The following DYRK1A variants were observed in gnomAD, a reference collection of about 807,000 sequenced individuals.
DYRK1A encodes dual specificity tyrosine phosphorylation regulated kinase 1A, also known as dual specificity tyrosine-phosphorylation-regulated kinase 1A.
Under a neutral mutation model 79.7 loss-of-function variants are expected in DYRK1A, and 9 were observed. That is an observed-to-expected ratio of 0.11 (90% CI 0.07 to 0.20). DYRK1A has a LOEUF of 0.20. DYRK1A is among the 10% of genes least tolerant of loss of function. The pLI, the probability that DYRK1A is intolerant of heterozygous loss-of-function variation, is 1.00. For missense variants in DYRK1A, 622 were observed against 956.0 expected (o/e 0.65, Z 4.61); for synonymous variants, 349 against 329.7 (o/e 1.06, Z -0.63).
At chr21:37,374,375 T>C (rs148111822) in intron 1 of DYRK1A, among the ~76,000 whole-genome samples, 176 of 150,276 alleles carry the variant, frequency 1.2e-3, no homozygotes, top group African/African-American at 4.2e-3. Flanking sequence ...CCTGTGGATT[T>C]GAAAAAAGAG....
At chr21:37,380,194 CT>C (rs943239073) in intron 1 of DYRK1A, among the ~76,000 whole-genome samples, 2 of 152,132 alleles carry the variant, frequency 1.3e-5, no homozygotes, top group African/African-American at 4.8e-5. Flanking sequence ...CAAATACTGT[CT>C]GTTGAAAAAT....
chr21:37,466,598 G>GA (rs2052033101), intron 2 of DYRK1A, among the ~76,000 whole-genome samples: 2 of 152,134 alleles, frequency 1.3e-5, no homozygotes, highest in African/African-American at 2.4e-5. Flanking sequence ...AATTGATGCA[G>GA]AGAAGGCTTG....
At chr21:37,479,849 G>T (rs575112077) in intron 4 of DYRK1A, among the ~76,000 whole-genome samples, 10 of 151,710 alleles carry the variant, frequency 6.6e-5, no homozygotes, top group East Asian at 3.9e-4. Flanking sequence ...GGATGGTCTC[G>T]ATCTCCTGAC....
intron 9 of DYRK1A, among the ~76,000 whole-genome samples, chr21:37,498,600 G>T (rs976775671): frequency 2.0e-5 from 3 of 152,066 alleles, no homozygotes; most frequent in African/African-American, 7.2e-5. Context: ...CCTGTCAGTG[G>T]TCATTTGGTT....
Position 37,519,748 on chromosome 21 carries a change from T to TTTTGTTTTGTTTTGTTTTGGTTTG in DYRK1A, c.*7220_*7221insGTTTTGTTTTGTTTTGGTTTGTTT. 7.9e-6 allele frequency: 1 copy of TTTTGTTTTGTTTTGTTTTGGTTTG among 126,766 alleles called. No individual in the cohort carries two copies. Among genetic ancestry groups the TTTTGTTTTGTTTTGTTTTGGTTTG allele is most frequent in the South Asian group, 2.6e-4 (1 of 3,896 alleles). 7.9% of individuals were successfully genotyped at this position (126,766 alleles called of 1,614,324 possible). A position where few individuals can be genotyped will look rare whatever the true frequency, so the allele number is the denominator to read the frequency against. Reference sequence around the variant, plus strand: ...TTTGTTGTGGGAAGTTTTTTTTTTTTTTTTTTTTTTTGAGGCGGAGTCTCG... The same window carrying TTTTGTTTTGTTTTGTTTTGGTTTG: ...TTTGTTGTGGGAAGTTTTTTTTTTTTTTTGTTTTGTTTTGTTTTGGTTTGTTTTTTTTTTTGAGGCGGAGTCTCG... On this transcript the variant is annotated 3_prime_UTR_variant, in exon 12 of 12. Coordinates refer to ENST00000647188, the MANE Select transcript of DYRK1A (RefSeq NM_001347721.2).
chr21:37,482,524 G>A (rs1466274361), intron 5 of DYRK1A, among the ~76,000 whole-genome samples: 2 of 152,228 alleles, frequency 1.3e-5, no homozygotes, highest in East Asian at 3.9e-4. Flanking sequence ...AATATCACAA[G>A]GCAAATGGAG....
chr21:37,417,137 T>C lies in DYRK1A; in HGVS notation c.-76-3162T>C, dbSNP rs1180591390. Among the ~76,000 whole-genome samples, 6 of 152,198 alleles carry C rather than the reference T, an allele frequency of 3.9e-5. No individual in the cohort carries two copies. In the East Asian group the frequency reaches 7.7e-4, roughly 19 times the overall value. Reference sequence around the variant, plus strand: ...GTTAGTCTGAACTTGCCTGTCATGCTGATGCATTCATTTCAGTCCCAGTCT... The same window carrying C: ...GTTAGTCTGAACTTGCCTGTCATGCCGATGCATTCATTTCAGTCCCAGTCT... On this transcript the variant is annotated intron_variant, in intron 1 of 11. Transcript: ENST00000647188.
Position 37,521,035 on chromosome 21 carries a change from T to A in DYRK1A, c.*8504T>A, listed in dbSNP as rs1210033224. 1.3e-5 allele frequency: 2 copies of A among 152,246 alleles called. No individual in the cohort carries two copies. Among genetic ancestry groups the A allele is most frequent in the Non-Finnish European group, 2.9e-5 (2 of 68,060 alleles). 9.4% of individuals were successfully genotyped at this position (152,246 alleles called of 1,614,324 possible). Reference sequence around the variant, plus strand: ...GTAGGCGGATGTTTCTGAAGGCATCTCCCACTGATTATGTAATGACAGCTA... The same window carrying A: ...GTAGGCGGATGTTTCTGAAGGCATCACCCACTGATTATGTAATGACAGCTA... On this transcript the variant is annotated 3_prime_UTR_variant, in exon 12 of 12. Coordinates refer to ENST00000647188, the MANE Select transcript of DYRK1A (RefSeq NM_001347721.2).
intron 2 of DYRK1A, among the ~76,000 whole-genome samples, chr21:37,429,570 C>T (rs1328102575): frequency 6.6e-6 from 1 of 152,130 alleles, no homozygotes; most frequent in African/African-American, 2.4e-5. Flanking sequence ...CTCGCGAGAA[C>T]GTACTCACCA....
chr21:37,394,572 G>A (rs1358602164), intron 1 of DYRK1A, among the ~76,000 whole-genome samples: 3 of 152,172 alleles, frequency 2.0e-5, no homozygotes, highest in African/African-American at 4.8e-5. Flanking sequence ...GATCATTTCT[G>A]CCTGAGCTCT....
At chr21:37,408,826 C>T (rs12481879) in intron 1 of DYRK1A, among the ~76,000 whole-genome samples, 11,477 of 152,260 alleles carry the variant, frequency 0.075, 645 homozygotes, top group Non-Finnish European at 0.11. Flanking sequence ...TTTTCTTTTA[C>T]TCCTGTATTG....
At position 37,411,996 on chromosome 21, in the gene DYRK1A, G is replaced by A. The variant is rs569067954; in HGVS notation, c.-76-8303G>A. ...AACATGTACTGCGATACAGAAATAC[G>A]AGATCTAGTGGTACTTTTCACCAAG... On this transcript the variant is annotated intron_variant, in intron 1 of 11. Coordinates refer to ENST00000647188, the MANE Select transcript of DYRK1A (RefSeq NM_001347721.2). Among the ~76,000 whole-genome samples the A allele has an allele frequency of 2.6e-5, 4 of 152,226 alleles. No individual in the cohort carries two copies. The South Asian group carries it at 8.3e-4, about 32-fold the overall frequency.
chr21:37,404,632 T>G (rs2050116034), intron 1 of DYRK1A, among the ~76,000 whole-genome samples: 1 of 152,248 alleles, frequency 6.6e-6, no homozygotes, highest in South Asian at 2.1e-4. Flanking sequence ...TTCACCATGT[T>G]GGGAAATTGT....
Position 37,376,734 on chromosome 21 carries a change from G to A in DYRK1A, c.-77+9106G>A, listed in dbSNP as rs115019533. Among the ~76,000 whole-genome samples, 1,412 of 152,034 alleles carry A rather than the reference G, an allele frequency of 9.3e-3. 27 individuals are homozygous for A. The highest frequency in any genetic ancestry group is 0.032 in the African/African-American group (1,331 of 41,424). On this transcript the variant is annotated intron_variant, in intron 1 of 11. Coordinates refer to ENST00000647188, the MANE Select transcript of DYRK1A (RefSeq NM_001347721.2). ...CTTACTGTCTTATTTGTTAGGGCCCGTATTTGAGCAGTGTTATCAAACATA... is the reference window on the plus strand; with the variant it reads ...CTTACTGTCTTATTTGTTAGGGCCCATATTTGAGCAGTGTTATCAAACATA...
intron 2 of DYRK1A, among the ~76,000 whole-genome samples, chr21:37,436,498 G>A (rs1405152857): frequency 1.3e-5 from 2 of 152,108 alleles, no homozygotes; most frequent in Non-Finnish European, 2.9e-5. Flanking sequence ...TCCACTTTTT[G>A]TGTCTGATGG....
At position 37,520,858 on chromosome 21, in the gene DYRK1A, T is replaced by TC. The variant is rs1266593598; in HGVS notation, c.*8327_*8328insC. 2.0e-5 allele frequency: 3 copies of TC among 152,240 alleles called. No individual in the cohort carries two copies. Among genetic ancestry groups the TC allele is most frequent in the Non-Finnish European group, 1.5e-5 (1 of 68,064 alleles). 9.4% of individuals were successfully genotyped at this position (152,240 alleles called of 1,614,324 possible). On this transcript the variant is annotated 3_prime_UTR_variant, in exon 12 of 12. Transcript: ENST00000647188. ...TGAGATCTACAGGGCTCAGTGCGCT[T>TC]GGAGTCCTGGATTCCTCCAGGACTG...
intron 7 of DYRK1A, among the ~76,000 whole-genome samples, chr21:37,490,863 T>C (rs560486085): frequency 6.6e-6 from 1 of 152,100 alleles, no homozygotes; most frequent in African/African-American, 2.4e-5. Context: ...GATTAAATAT[T>C]AGGGGATTTG....
chr21:37,383,832 GGTGTATGTGTGT>G (rs911217154), intron 1 of DYRK1A, among the ~76,000 whole-genome samples: 4 of 115,480 alleles, frequency 3.5e-5, no homozygotes, highest in African/African-American at 1.7e-4. Flanking sequence ...GATAGGTAAT[GGTGTATGTGTGT>G]GTGTGTGTGT....
chr21:37,425,652 A>G (rs2050598069), intron 2 of DYRK1A: 1 of 152,224 alleles, frequency 6.6e-6, no homozygotes, highest in Non-Finnish European at 1.5e-5. Context: ...GAAGATGACA[A>G]CAGAACATAG....
Sources: gnomAD v4.1 joint callset for allele counts (sites outside exome capture counted in the v4.1 genomes callset) on GRCh38, gnomAD v4.1.1 for gene constraint, MANE v1.5 for transcripts, NCBI Gene and HGNC (gene_info 2026-07-23, HGNC 2026-07-21) for gene names.